The following CFAP20DC variants were observed in gnomAD, a reference collection of about 807,000 sequenced individuals.
The protein encoded by CFAP20DC is protein CFAP20DC.
Under a neutral mutation model 101.7 loss-of-function variants are expected in CFAP20DC, and 84 were observed. The ratio of observed to expected loss-of-function variants is 0.83; its 90% CI spans 0.69 to 0.99. CFAP20DC has a LOEUF of 0.99. Among genes scored for constraint, CFAP20DC ranks in the 50% least tolerant of loss-of-function variants. The pLI is 0.00. For missense variants in CFAP20DC, 1,007 were observed against 970.3 expected (o/e 1.04, Z -0.50); for synonymous variants, 359 against 351.2 (o/e 1.02, Z -0.25).
chr3:58,807,042 G>C (rs2074133787), intron 14 of CFAP20DC, among the ~76,000 whole-genome samples: 2 of 152,184 alleles, frequency 1.3e-5, no homozygotes, highest in Admixed American at 6.5e-5. Flanking sequence ...GCCCAGACTT[G>C]CTTAGGTAAA....
chr3:58,853,247 A>C (rs1355901112), intron 12 of CFAP20DC, among the ~76,000 whole-genome samples: 6 of 152,312 alleles, frequency 3.9e-5, no homozygotes, highest in Non-Finnish European at 8.8e-5. Context: ...AAATGGATAA[A>C]TTTCTCGACA....
At chr3:59,043,118 C>G (rs965540198) in intron 3 of CFAP20DC, among the ~76,000 whole-genome samples, 1 of 152,092 alleles carries the variant, frequency 6.6e-6, no homozygotes, top group Non-Finnish European at 1.5e-5. Flanking sequence ...GGAGAGAAGT[C>G]TGAGCTGGAA....
chr3:58,742,875 G>A (rs1185787308), intron 16 of CFAP20DC, among the ~76,000 whole-genome samples: 4 of 152,140 alleles, frequency 2.6e-5, no homozygotes, highest in Non-Finnish European at 4.4e-5. Context: ...TAAGAGTTAT[G>A]CTTATTAGGA....
intron 3 of CFAP20DC, among the ~76,000 whole-genome samples, chr3:58,723,324 T>C (rs2067498361): frequency 6.6e-6 from 1 of 152,204 alleles, no homozygotes; most frequent in Non-Finnish European, 1.5e-5. Flanking sequence ...ACCTTTCACA[T>C]AAACAAAACG....
intron 13 of CFAP20DC, among the ~76,000 whole-genome samples, chr3:58,840,239 T>C (rs1457956266): frequency 6.6e-6 from 1 of 152,118 alleles, no homozygotes; most frequent in Admixed American, 6.6e-5. Flanking sequence ...AGTGCAGTTT[T>C]GACAAAACAT....
At chr3:59,003,083 T>TA (rs34849741) in intron 4 of CFAP20DC, among the ~76,000 whole-genome samples, 2 of 152,054 alleles carry the variant, frequency 1.3e-5, no homozygotes, top group Admixed American at 1.3e-4. Context: ...TTAATCACAC[T>TA]AAAAATGCAG....
chr3:58,717,322 C>G (rs2067411420), downstream of CFAP20DC: 1 of 210,116 alleles, frequency 4.8e-6, no homozygotes, highest in South Asian at 6.5e-5. The surrounding 1 kb of genome is among the most constrained non-coding windows in gnomAD (Gnocchi z 4.1). Context: ...CTACCCTGGT[C>G]TGCCGTCCAC....
chr3:58,828,502 A>G (rs1018993090), intron 14 of CFAP20DC, among the ~76,000 whole-genome samples: 12 of 152,192 alleles, frequency 7.9e-5, no homozygotes, highest in African/African-American at 2.2e-4. Flanking sequence ...TTGCAGCAAC[A>G]TGGATGCAGC....
chr3:59,024,818 GGAA>G (rs1018858919), intron 4 of CFAP20DC, among the ~76,000 whole-genome samples: 1 of 152,052 alleles, frequency 6.6e-6, no homozygotes, highest in African/African-American at 2.4e-5. Flanking sequence ...ACAGTGAAAG[GGAA>G]GAAGAACCAA....
At position 58,874,630 on chromosome 3, in the gene CFAP20DC, T is replaced by C. The variant is rs965551021; in HGVS notation, c.716-4321A>G. On this transcript the variant is annotated intron_variant, in intron 7 of 16. Transcript: ENST00000482387. The surrounding 1 kb of genome is among the most constrained non-coding windows in gnomAD (Gnocchi z 5.1). ...ATGCTGTTCATGGCAAGAAGGCTTT[T>C]CCTTTCCCTCTTGACCTTTATGCCT... 1.3e-5 allele frequency among the ~76,000 whole-genome samples: 2 copies of C among 152,218 alleles called. No homozygotes were observed. The highest frequency in any genetic ancestry group is 4.8e-5 in the African/African-American group (2 of 41,458).
At position 58,913,407 on chromosome 3, in the gene CFAP20DC, T is replaced by C. The variant is rs927681979; in HGVS notation, c.550+301A>G. Among the ~76,000 whole-genome samples, 1 of 152,132 alleles carries C rather than the reference T, an allele frequency of 6.6e-6. No individual in the cohort carries two copies. Among genetic ancestry groups the C allele is most frequent in the African/African-American group, 2.4e-5 (1 of 41,430 alleles). On this transcript the variant is annotated intron_variant, in intron 6 of 16. Transcript: ENST00000482387. This position sits in a 1 kb window ranked among gnomAD's most constrained non-coding sequence, Gnocchi z 4.4. ...TCCTTAAATAAATTCCTGTTCTTTT[T>C]CAACCACCTAAAGAGGATTATGTTG...
At chr3:59,011,064 C>T (rs1374478314) in intron 4 of CFAP20DC, among the ~76,000 whole-genome samples, 1 of 152,094 alleles carries the variant, frequency 6.6e-6, no homozygotes, top group Non-Finnish European at 1.5e-5. Context: ...CAAAAGTGGT[C>T]TTAAGAGAAA....
intron 15 of CFAP20DC, among the ~76,000 whole-genome samples, chr3:58,765,911 T>G (rs2070267738): frequency 6.6e-6 from 1 of 152,182 alleles, no homozygotes; most frequent in Admixed American, 6.5e-5. Flanking sequence ...ATTCATAGAT[T>G]CTTATTAAAA....
intron 4 of CFAP20DC, among the ~76,000 whole-genome samples, chr3:58,938,398 T>C (rs2088012898): frequency 6.6e-6 from 1 of 152,208 alleles, no homozygotes; most frequent in Non-Finnish European, 1.5e-5. Flanking sequence ...TGCTTCAAAT[T>C]GATAGAGGCT....
At chr3:58,854,125 A>T (rs1422461101) in intron 12 of CFAP20DC, among the ~76,000 whole-genome samples, 1 of 152,200 alleles carries the variant, frequency 6.6e-6, no homozygotes, top group Non-Finnish European at 1.5e-5. Flanking sequence ...CTGATGAACA[A>T]CTTCAGCAAA....
At chr3:58,794,238 C>T in intron 15 of CFAP20DC, 2 of 394,144 alleles carry the variant, frequency 5.1e-6, no homozygotes, top group Admixed American at 3.0e-5. Flanking sequence ...GTTTTTTTTT[C>T]CCATGCCTAC....
intron 3 of CFAP20DC, chr3:58,734,665 TC>T: frequency 2.3e-6 from 1 of 437,238 alleles, no homozygotes; most frequent in Non-Finnish European, 4.6e-6. Context: ...GTCCCCAAGT[TC>T]CCTCTAACTT....
intron 3 of CFAP20DC, among the ~76,000 whole-genome samples, chr3:58,735,568 A>G (rs2067733822): frequency 6.6e-6 from 1 of 152,204 alleles, no homozygotes; most frequent in African/African-American, 2.4e-5. Context: ...GAATAGGTTA[A>G]GCCAGAGGGT....
chr3:58,726,502 G>C (rs2107063288), intron 3 of CFAP20DC: 1 of 157,500 alleles, frequency 6.3e-6, no homozygotes. Context: ...AACACACTCA[G>C]CAGGAAAGCA....
Sources: gnomAD v4.1 joint callset for allele counts (sites outside exome capture counted in the v4.1 genomes callset) on GRCh38, gnomAD v4.1.1 for gene constraint, Gnocchi (gnomAD v3.1) non-coding constraint, MANE v1.5 for transcripts, NCBI Gene and HGNC (gene_info 2026-07-23, HGNC 2026-07-21) for gene names.